The following COX5B variants were observed in gnomAD, a reference collection of about 807,000 sequenced individuals.
COX5B encodes cytochrome c oxidase subunit 5B, mitochondrial.
In COX5B, 8 loss-of-function variants were observed where a neutral mutation model predicts 16.2. That is an observed-to-expected ratio of 0.49 (90% CI 0.29 to 0.89). The LOEUF is 0.89. COX5B is among the 40% of genes least tolerant of loss of function. COX5B has a pLI of 0.08. For synonymous variants in COX5B, 65 were observed against 67.6 expected, an observed-to-expected ratio of 0.96 and a Z score of 0.19; for missense variants, 161 against 168.7, an observed-to-expected ratio of 0.95 and a Z score of 0.25.
chr2:97,648,170 C>G lies in COX5B; in HGVS notation c.*62C>G. ...TTTCTTCTTTCCAGTAAAGACTAGCCATTGCATTGGCTCCTTCTCCCATAG... is the reference window on the plus strand; with the variant it reads ...TTTCTTCTTTCCAGTAAAGACTAGCGATTGCATTGGCTCCTTCTCCCATAG... On this transcript the variant is annotated 3_prime_UTR_variant, in exon 4 of 4. Coordinates refer to ENST00000258424, the MANE Select transcript of COX5B (RefSeq NM_001862.3). 7.4e-7 allele frequency: 1 copy of G among 1,354,706 alleles called. No individual in the cohort carries two copies. Among genetic ancestry groups the G allele is most frequent in the Non-Finnish European group, 1.0e-6 (1 of 993,060 alleles). The allele number at this position is 1,354,706 out of a possible 1,614,324, so 83.9% of individuals were successfully genotyped here.
At chr2:97,646,895 G>T in intron 1 of COX5B, 172 bp from the exon 2 acceptor site, 1 of 581,964 alleles carries the variant, frequency 1.7e-6, no homozygotes, top group African/African-American at 1.9e-5. Context: ...TTGTGTGGAT[G>T]GGTACTTGGT....
rs114574573 is a variant in COX5B, at chr2:97,646,107, C to T, written c.21C>T (p.Arg7=). MASRLL[R]GAGTLAAQAL... is the part of the protein sequence containing the mutation. ...ACGCAATGGCTTCAAGGTTACTTCG[C>T]GGAGCTGGAACGCTGGCCGCGCAGG... Residue 7 remains arginine, a synonymous_variant, in exon 1 of 4, where the codon CGC becomes CGT. Transcript: ENST00000258424. 12,763 of 1,556,448 alleles carry T rather than the reference C, an allele frequency of 8.2e-3. 69 individuals are homozygous for T. The highest frequency in any genetic ancestry group is 0.01 in the Non-Finnish European group (11,853 of 1,149,702).
Position 97,647,421 on chromosome 2 carries a change from C to T in COX5B, c.255C>T (p.Asn85=). 6.2e-7 allele frequency: 1 copy of T among 1,614,032 alleles called. No individual in the cohort carries two copies. Among genetic ancestry groups the T allele is most frequent in the African/African-American group, 1.3e-5 (1 of 75,044 alleles). ...CTAATTTAGTCCCCTCCATCTCCAACAAGAGAATAGTAGGCTGCATCTGTA... is the reference window on the plus strand; with the variant it reads ...CTAATTTAGTCCCCTCCATCTCCAATAAGAGAATAGTAGGCTGCATCTGTA... ...EDPNLVPSIS[N]KRIVGCICEE... The change falls in exon 3 of 4, where the codon AAC becomes AAT. Residue 85 remains asparagine (N), a synonymous_variant. Transcript: ENST00000258424.
Position 97,647,146 on chromosome 2 carries a change from G to C in COX5B, c.177+6G>C. 1 of 1,613,700 alleles carries C rather than the reference G, an allele frequency of 6.2e-7. No homozygotes were observed. Among genetic ancestry groups the C allele is most frequent in the South Asian group, 1.1e-5 (1 of 91,046 alleles). On this transcript the variant is annotated splice_donor_region_variant and intron_variant, in intron 2 of 3. Coordinates refer to ENST00000258424, the MANE Select transcript of COX5B (RefSeq NM_001862.3). Reference sequence around the variant, plus strand: ...TGGCTGCAAAGAAGGGACTGGTAAGGAGAAACTCCCTTCTGTGTCTTCTGT... The same window carrying C: ...TGGCTGCAAAGAAGGGACTGGTAAGCAGAAACTCCCTTCTGTGTCTTCTGT...
At chr2:97,646,251 C>A in intron 1 of COX5B, 62 bp downstream of exon 1, 2 of 1,156,734 alleles carry the variant, frequency 1.7e-6, no homozygotes, top group African/African-American at 1.6e-5. Flanking sequence ...GGTCCCAGGG[C>A]GGCAAAGCGG....
Position 97,648,040 on chromosome 2 carries a change from G to C in COX5B, c.322G>C (p.Gly108Arg). The C allele has an allele frequency of 1.9e-6, 3 of 1,613,762 alleles. No homozygotes were observed. Among genetic ancestry groups the C allele is most frequent in the Non-Finnish European group, 2.5e-6 (3 of 1,179,884 alleles). ...CGTCGTCTGGTTTTGGCTGCACAAAGGCGAGGCCCAGCGATGCCCCCGCTG... is the reference window on the plus strand; with the variant it reads ...CGTCGTCTGGTTTTGGCTGCACAAACGCGAGGCCCAGCGATGCCCCCGCTG... ...TSVVWFWLHKGEAQRCPRCGA... is the reference protein window; with the variant it reads ...TSVVWFWLHKREAQRCPRCGA... The change falls in exon 4 of 4, where the codon GGC (glycine) becomes CGC (arginine). Residue 108 changes from glycine (G) to arginine (R), a missense_variant. Physicochemically the swap from Gly to Arg is moderately radical, Grantham distance 125 (BLOSUM62 -2). Coordinates refer to ENST00000258424, the MANE Select transcript of COX5B (RefSeq NM_001862.3).
intron 1 of COX5B, 190 bp downstream of exon 1, chr2:97,646,379 C>T: frequency 1.8e-6 from 1 of 566,762 alleles, no homozygotes; most frequent in East Asian, 3.1e-5. Context: ...CCCGAACTCA[C>T]TCCGCTGCGA....
intron 1 of COX5B, chr2:97,646,656 T>C (rs1674658581): frequency 9.4e-6 from 2 of 213,234 alleles, no homozygotes; most frequent in African/African-American, 4.6e-5. Flanking sequence ...AAGACCAGCC[T>C]GGCCAACATG....
intron 3 of COX5B, among the ~76,000 whole-genome samples, chr2:97,647,723 G>A (rs1303637595): frequency 6.6e-6 from 1 of 152,136 alleles, no homozygotes; most frequent in Non-Finnish European, 1.5e-5. Flanking sequence ...AGACACTAGG[G>A]ATACATACCA....
At position 97,646,126 on chromosome 2, in the gene COX5B, G is replaced by A; in HGVS notation, c.40G>A (p.Ala14Thr). ...RLLRGAGTLAAQALRARGPSG... is the reference protein window; with the variant it reads ...RLLRGAGTLATQALRARGPSG... The stretch of plus-strand genomic sequence containing the variant: ...ACTTCGCGGAGCTGGAACGCTGGCC[G>A]CGCAGGCCCTGAGGGCTCGCGGCCC... The change falls in exon 1 of 4, where the codon GCG becomes ACG. Residue 14 changes from alanine to threonine, a missense_variant. Ala to Thr is a moderately conservative substitution (Grantham distance 58). Transcript: ENST00000258424. 3.2e-6 allele frequency: 5 copies of A among 1,557,722 alleles called. No individual in the cohort carries two copies. Among genetic ancestry groups the A allele is most frequent in the Non-Finnish European group, 4.3e-6 (5 of 1,150,534 alleles).
Position 97,646,135 on chromosome 2 carries a change from C to A in COX5B, c.49C>A (p.Leu17Met). The A allele has an allele frequency of 6.4e-7, 1 of 1,557,652 alleles. No individual in the cohort carries two copies. The highest frequency in any genetic ancestry group is 1.4e-5 in the African/African-American group (1 of 73,502). Residue 17 changes from leucine (L) to methionine (M), a missense_variant, in exon 1 of 4, where the codon CTG becomes ATG. Physicochemically the swap from Leu to Met is conservative, Grantham distance 15. Transcript: ENST00000258424. ...AGCTGGAACGCTGGCCGCGCAGGCC[C>A]TGAGGGCTCGCGGCCCCAGTGGCGC... The part of the protein sequence containing the change: ...RGAGTLAAQA[L>M]RARGPSGAAA...
chr2:97,646,137 G>T lies in COX5B; in HGVS notation c.51G>T (p.Leu17=). ...CTGGAACGCTGGCCGCGCAGGCCCT[G>T]AGGGCTCGCGGCCCCAGTGGCGCGG... is the stretch of plus-strand genomic sequence containing the variant. The part of the protein sequence containing the change: ...RGAGTLAAQA[L]RARGPSGAAA... Residue 17 remains leucine, a synonymous_variant, in exon 1 of 4, where the codon CTG becomes CTT. Transcript: ENST00000258424. 2 of 1,557,184 alleles carry T rather than the reference G, an allele frequency of 1.3e-6. No individual in the cohort carries two copies. Among genetic ancestry groups the T allele is most frequent in the East Asian group, 2.4e-5 (1 of 41,390 alleles).
At chr2:97,646,403 G>A (rs1279394232) in intron 1 of COX5B, 2 of 545,176 alleles carry the variant, frequency 3.7e-6, no homozygotes, top group African/African-American at 2.0e-5. Flanking sequence ...TATCCTAAAC[G>A]GAGGTGCCGG....
intron 3 of COX5B, 104 bp from the exon 4 acceptor site, chr2:97,647,892 C>G: frequency 1.0e-6 from 1 of 965,238 alleles, no homozygotes; most frequent in Non-Finnish European, 1.6e-6. Flanking sequence ...AGATATCAAC[C>G]ATAGTCTTAC....
At chr2:97,647,527 G>A (rs1334487443) in intron 3 of COX5B, 84 bp downstream of exon 3, 23 of 1,171,572 alleles carry the variant, frequency 2.0e-5, no homozygotes, top group Non-Finnish European at 2.8e-5. Context: ...TTCAGTGTGT[G>A]AGTGCATGTT....
At chr2:97,647,212 C>T in intron 2 of COX5B, 72 bp downstream of exon 2, 1 of 1,555,194 alleles carries the variant, frequency 6.4e-7, no homozygotes, top group Non-Finnish European at 8.9e-7. Flanking sequence ...GGTCTCCTCT[C>T]TGGGAGTATT....
At chr2:97,646,250 G>A (rs1674652232) in intron 1 of COX5B, 61 bp downstream of exon 1, 17 of 1,167,602 alleles carry the variant, frequency 1.5e-5, no homozygotes, top group African/African-American at 4.7e-5. Context: ...TGGTCCCAGG[G>A]CGGCAAAGCG....
intron 3 of COX5B, among the ~76,000 whole-genome samples, 179 bp downstream of exon 3, chr2:97,647,622 G>A (rs1319239984): frequency 1.3e-5 from 2 of 152,156 alleles, no homozygotes; most frequent in African/African-American, 4.8e-5. Context: ...GCAGCACAGC[G>A]GTAAGACTGG....
chr2:97,646,856 A>C (rs548705117), intron 1 of COX5B: 1 of 426,652 alleles, frequency 2.3e-6, no homozygotes, highest in Non-Finnish European at 4.3e-6. Context: ...CTCAAAAAAG[A>C]AAAAAAAAGC....
Sources: allele counts gnomAD v4.1 joint callset (sites outside exome capture counted in the v4.1 genomes callset), GRCh38; gene constraint gnomAD v4.1.1; transcripts MANE v1.5; gene names NCBI Gene and HGNC (gene_info 2026-07-23, HGNC 2026-07-21).